Variants in MADD observed in about 807,000 individuals in gnomAD.
MADD encodes the protein MAP kinase-activating death domain protein.
A neutral mutation model predicts 176.7 loss-of-function variants in MADD; 109 were observed. The ratio of observed to expected loss-of-function variants is 0.62; its 90% CI spans 0.53 to 0.72. MADD has a LOEUF of 0.72. Among genes scored for constraint, MADD ranks in the 30% least tolerant of loss-of-function variants. The pLI is 0.00. For synonymous variants in MADD, 771 were observed against 771.3 expected, an observed-to-expected ratio of 1.00 and a Z score of 0.01; for missense variants, 1,914 against 2,045.5, an observed-to-expected ratio of 0.94 and a Z score of 1.24.
chr11:47,328,668 TAAAG>T lies in MADD; in HGVS notation c.4626_4629del (p.Glu1543TrpfsTer2). ...CCCGTCCGGTTTTAGTTCCTGAAAT[TAAAG>T]AAGTGGTGAGCCACAAGTACAAGAC... On this transcript the variant is annotated frameshift_variant, in exon 32 of 33. Transcript: ENST00000402192. LOFTEE classifies it high-confidence loss of function. 2 of 1,614,188 alleles carry T rather than the reference TAAAG, an allele frequency of 1.2e-6. No individual in the cohort carries two copies. The highest frequency in any genetic ancestry group is 1.7e-6 in the Non-Finnish European group (2 of 1,180,034).
chr11:47,295,435 T>G (rs942641342), intron 20 of MADD, 61 bp from the exon 23 acceptor site: 2 of 1,356,690 alleles, frequency 1.5e-6, no homozygotes, highest in Admixed American at 1.7e-5. Flanking sequence ...GGTACAGTAT[T>G]TCTGTGGGAA....
chr11:47,274,917 C>A, exon 3 of MADD: 1 of 1,613,724 alleles, frequency 6.2e-7, no homozygotes, highest in Non-Finnish European at 8.5e-7. Context: ...CAGAGAGTGG[C>A]TCATCCCTGC....
intron 27 of MADD, among the ~76,000 whole-genome samples, chr11:47,321,166 G>T (rs2094417139): frequency 6.6e-6 from 1 of 152,172 alleles, no homozygotes; most frequent in African/African-American, 2.4e-5. Flanking sequence ...AGACTAGAAT[G>T]CTCTAGCTTA....
At chr11:47,280,205 T>G (rs575268707) in intron 7 of MADD, among the ~76,000 whole-genome samples, 1 of 152,374 alleles carries the variant, frequency 6.6e-6, no homozygotes, top group Non-Finnish European at 1.5e-5. Flanking sequence ...TTCCTCTGCC[T>G]TATGTGTTGT....
intron 19 of MADD, among the ~76,000 whole-genome samples, chr11:47,293,222 A>G (rs1330500431): frequency 6.6e-6 from 1 of 151,960 alleles, no homozygotes; most frequent in Non-Finnish European, 1.5e-5. Flanking sequence ...CCTGGGGACC[A>G]TTAAATGGTT....
At chr11:47,292,418 A>G (rs2066107207) in intron 19 of MADD, 125 bp from the exon 21 acceptor site, 7 of 800,494 alleles carry the variant, frequency 8.7e-6, no homozygotes, top group Non-Finnish European at 1.5e-5. Context: ...ATATCTTTGT[A>G]TCTCTTGGTT....
At chr11:47,278,891 C>G (rs867093300) in intron 6 of MADD, 108 bp from the exon 7 acceptor site, 1 of 821,006 alleles carries the variant, frequency 1.2e-6, no homozygotes, top group Admixed American at 2.3e-5. Context: ...AATGTATATT[C>G]GTTTATATAA....
exon 27 of MADD, chr11:47,315,314 T>C (rs778957385): frequency 3.1e-6 from 5 of 1,611,998 alleles, no homozygotes; most frequent in Middle Eastern, 1.7e-4. Flanking sequence ...AACGGAGATA[T>C]CTTTTTCATG....
chr11:47,299,978 C>T (rs1380205310), intron 22 of MADD, among the ~76,000 whole-genome samples: 1 of 152,064 alleles, frequency 6.6e-6, no homozygotes, highest in Admixed American at 6.6e-5. Context: ...AGAGGAAAAA[C>T]TTTCATCTTT....
exon 13 of MADD, chr11:47,285,090 C>G (rs1463362566): frequency 1.9e-6 from 3 of 1,614,024 alleles, no homozygotes; most frequent in Non-Finnish European, 2.5e-6. Context: ...GAATCTATGA[C>G]AATCCATACT....
Position 47,285,365 on chromosome 11 carries a change from C to A in MADD, c.2412-86C>A, listed in dbSNP as rs368757507. 1.1e-5 allele frequency: 18 copies of A among 1,576,836 alleles called. No homozygotes were observed. The East Asian group carries it at 2.2e-4, about 20-fold the overall frequency. On this transcript the variant is annotated intron_variant, in intron 13 of 32. Transcript: ENST00000402192. ...CTTAGGAATTACGGGAAGGGAGTGG[C>A]AACTGTAGTATAGCATAATTATGGC... is the stretch of plus-strand genomic sequence containing the variant.
chr11:47,276,341 C>T, intron 4 of MADD, 139 bp downstream of exon 4: 1 of 777,560 alleles, frequency 1.3e-6, no homozygotes, highest in Non-Finnish European at 2.0e-6. Flanking sequence ...GCCTGGTAAA[C>T]AGCAGGTGTT....
exon 4 of MADD, chr11:47,275,924 G>C: frequency 6.2e-7 from 1 of 1,611,918 alleles, no homozygotes; most frequent in Non-Finnish European, 8.5e-7. Context: ...GATCTTTACT[G>C]GATCGCTGCT....
At chr11:47,285,641 G>C in intron 14 of MADD, 51 bp downstream of exon 14, 2 of 1,609,012 alleles carry the variant, frequency 1.2e-6, no homozygotes, top group Non-Finnish European at 1.7e-6. Context: ...TTTCTCTACA[G>C]CAGAGCCTGA....
At chr11:47,275,131 A>C in exon 3 of MADD, 1 of 1,614,004 alleles carries the variant, frequency 6.2e-7, no homozygotes, top group Non-Finnish European at 8.5e-7. Context: ...TCTGGGCAAG[A>C]AACTGGGCAT....
intron 22 of MADD, among the ~76,000 whole-genome samples, chr11:47,302,284 G>A (rs994685401): frequency 2.6e-5 from 4 of 152,080 alleles, no homozygotes; most frequent in South Asian, 2.1e-4. Context: ...CGCAATCTCC[G>A]CTCACTGCAA....
At chr11:47,320,817 G>A (rs2094342095) in intron 27 of MADD, among the ~76,000 whole-genome samples, 1 of 152,064 alleles carries the variant, frequency 6.6e-6, no homozygotes. Flanking sequence ...AGCTACTGGG[G>A]AGGCTAAGTT....
At chr11:47,328,606 A>C (rs2142670728) in intron 31 of MADD, 52 bp from the exon 36 acceptor site, 1 of 1,613,208 alleles carries the variant, frequency 6.2e-7, no homozygotes, top group African/African-American at 1.3e-5. Context: ...GCATGGCACG[A>C]TTGCTCTTAG....
chr11:47,274,739 C>T (rs781185940), exon 3 of MADD: 1 of 1,614,200 alleles, frequency 6.2e-7, no homozygotes, highest in Non-Finnish European at 8.5e-7. Context: ...TTTGTCTTCA[C>T]CCTCACTGAC....
Sources: gnomAD v4.1 joint callset for allele counts (sites outside exome capture counted in the v4.1 genomes callset) on GRCh38, gnomAD v4.1.1 for gene constraint, MANE v1.5 for transcripts, NCBI Gene and HGNC (gene_info 2026-07-23, HGNC 2026-07-21) for gene names.